The following SPACA7 variants were observed in gnomAD, a reference collection of about 807,000 sequenced individuals.
SPACA7 encodes the protein sperm acrosome associated 7.
A neutral mutation model predicts 26.3 loss-of-function variants in SPACA7; 19 were observed. The observed-to-expected ratio is 0.72, with a 90% CI of 0.50 to 1.06. The LOEUF is 1.06. Among genes scored for constraint, SPACA7 ranks in the 50% least tolerant of loss-of-function variants. The pLI, the probability that SPACA7 is intolerant of heterozygous loss-of-function variation, is 0.00. For missense variants in SPACA7, 211 were observed against 229.9 expected (o/e 0.92, Z 0.53); for synonymous variants, 84 against 84.5 (o/e 0.99, Z 0.04).
chr13:112,382,284 A>T, intron 1 of SPACA7: 1 of 666,310 alleles, frequency 1.5e-6, no homozygotes, highest in Non-Finnish European at 2.4e-6. Context: ...ACAGAGTCTC[A>T]CTCTGTTGCC....
chr13:112,401,585 CA>C (rs915310227), intron 5 of SPACA7, among the ~76,000 whole-genome samples: 1 of 152,030 alleles, frequency 6.6e-6, no homozygotes, highest in Admixed American at 6.5e-5. Context: ...ATTTTTCATG[CA>C]AAAAAAGTCA....
intron 5 of SPACA7, among the ~76,000 whole-genome samples, chr13:112,402,962 T>A (rs867796791): frequency 3.2e-4 from 48 of 152,238 alleles, no homozygotes; most frequent in African/African-American, 1.0e-3. Flanking sequence ...GGGTTTTTTT[T>A]AAACCTATCT....
intron 5 of SPACA7, among the ~76,000 whole-genome samples, chr13:112,403,840 C>T (rs1885801839): frequency 6.6e-6 from 1 of 152,160 alleles, no homozygotes; most frequent in African/African-American, 2.4e-5. Context: ...GGCATTTGGG[C>T]TGATTCCATA....
At chr13:112,397,371 C>T (rs1440216281) in intron 2 of SPACA7, among the ~76,000 whole-genome samples, 4 of 152,202 alleles carry the variant, frequency 2.6e-5, no homozygotes, top group Non-Finnish European at 4.4e-5. Context: ...CGGTGACTCT[C>T]GGTTGCCACA....
At chr13:112,384,393 C>T (rs1265515039) in intron 1 of SPACA7, among the ~76,000 whole-genome samples, 2 of 151,958 alleles carry the variant, frequency 1.3e-5, no homozygotes, top group African/African-American at 4.8e-5. Flanking sequence ...AATTTTGGAA[C>T]ATATATTAAT....
chr13:112,417,905 C>T (rs74660012), intron 5 of SPACA7, among the ~76,000 whole-genome samples: 2,380 of 152,106 alleles, frequency 0.016, 26 homozygotes, highest in Middle Eastern at 0.027. Context: ...TTTTTACTTA[C>T]TGTTATTTTG....
intron 5 of SPACA7, among the ~76,000 whole-genome samples, chr13:112,402,992 A>G (rs1427162912): frequency 6.6e-6 from 1 of 151,916 alleles, no homozygotes; most frequent in Non-Finnish European, 1.5e-5. Context: ...TGAAATACTG[A>G]TGTTACAATA....
chr13:112,425,016 C>T (rs1409783000), intron 5 of SPACA7, among the ~76,000 whole-genome samples: 1 of 152,176 alleles, frequency 6.6e-6, no homozygotes, highest in African/African-American at 2.4e-5. Context: ...CTTATTTGAG[C>T]AGAGGACTGG....
chr13:112,407,266 G>A (rs1414192923), intron 5 of SPACA7, among the ~76,000 whole-genome samples: 1 of 152,144 alleles, frequency 6.6e-6, no homozygotes, highest in African/African-American at 2.4e-5. Context: ...GAGAAAGCAG[G>A]AAATATCTAA....
At chr13:112,434,437 C>T in intron 6 of SPACA7, 48 bp from the exon 7 acceptor site, 1 of 1,515,512 alleles carries the variant, frequency 6.6e-7, no homozygotes, top group Middle Eastern at 1.7e-4. Context: ...GCCTCCATCT[C>T]CCTCATACCA....
intron 2 of SPACA7, among the ~76,000 whole-genome samples, chr13:112,394,602 A>G (rs1885114747): frequency 6.6e-6 from 1 of 152,040 alleles, no homozygotes; most frequent in Admixed American, 6.5e-5. Flanking sequence ...GCTCCAGTGA[A>G]TGAATGGATG....
At chr13:112,377,762 G>C (rs1237353099) in intron 1 of SPACA7, among the ~76,000 whole-genome samples, 2 of 152,236 alleles carry the variant, frequency 1.3e-5, no homozygotes, top group Non-Finnish European at 2.9e-5. Flanking sequence ...GTTCAAGAAA[G>C]AAGAGACATT....
Position 112,399,134 on chromosome 13 carries a change from C to T in SPACA7, c.310C>T (p.Gln104Ter), listed in dbSNP as rs769699635. 24 of 1,607,464 alleles carry T rather than the reference C, an allele frequency of 1.5e-5. No homozygotes were observed. Among genetic ancestry groups the T allele is most frequent in the Non-Finnish European group, 2.6e-6 (3 of 1,174,150 alleles). The change falls in exon 4 of 7, where the codon CAA (glutamine) becomes TAA (stop). Residue 104 changes from glutamine (Q) to a stop codon, truncating the protein, a stop_gained. Transcript: ENST00000283550. LOFTEE classifies it high-confidence loss of function. ...ENYHELLENL[Q>*]FSPGIEVKIS... ...TTACCATGAATTATTAGAGAATTTACAATTCTCTCCTGGCATTGAGGTCAA... is the reference window on the plus strand; with the variant it reads ...TTACCATGAATTATTAGAGAATTTATAATTCTCTCCTGGCATTGAGGTCAA...
chr13:112,412,039 T>C (rs1886386688), intron 5 of SPACA7, among the ~76,000 whole-genome samples: 1 of 152,142 alleles, frequency 6.6e-6, no homozygotes, highest in Non-Finnish European at 1.5e-5. Flanking sequence ...CTGTTTTCCA[T>C]AGTGGCTGAA....
chr13:112,382,180 C>G (rs1884116329), intron 1 of SPACA7: 1 of 414,266 alleles, frequency 2.4e-6, no homozygotes, highest in South Asian at 4.1e-5. Context: ...CTTTCACTGT[C>G]TCAGTCATAA....
chr13:112,432,100 C>G (rs1439689396), intron 5 of SPACA7, among the ~76,000 whole-genome samples: 1 of 152,230 alleles, frequency 6.6e-6, no homozygotes, highest in Non-Finnish European at 1.5e-5. Flanking sequence ...GAGCCCTGCT[C>G]ACCACCAGCA....
chr13:112,380,851 G>T (rs1452706009), intron 1 of SPACA7, among the ~76,000 whole-genome samples: 1 of 152,082 alleles, frequency 6.6e-6, no homozygotes, highest in Non-Finnish European at 1.5e-5. Context: ...TGATTATGTT[G>T]ATTACAATGT....
rs148795567 is a variant in SPACA7, at chr13:112,416,804, T to TTGTGTGTGTGTGTG, written c.446-15624_446-15611dup. Reference sequence around the variant, plus strand: ...AGTCATTTACATATATGATTATGAGTTGTGTGTGTGTGTGTGTGTGTGTGT... The same window carrying TTGTGTGTGTGTGTG: ...AGTCATTTACATATATGATTATGAGTTGTGTGTGTGTGTGTGTGTGTGTGTGTGTGTGTGTGTGT... On this transcript the variant is annotated intron_variant, in intron 5 of 6. Transcript: ENST00000283550. Among the ~76,000 whole-genome samples, 1,086 of 148,016 alleles carry TTGTGTGTGTGTGTG rather than the reference T, an allele frequency of 7.3e-3. 7 individuals are homozygous for TTGTGTGTGTGTGTG. The highest frequency in any genetic ancestry group is 0.014 in the Middle Eastern group (4 of 290).
At chr13:112,408,742 A>C (rs1297212697) in intron 5 of SPACA7, among the ~76,000 whole-genome samples, 2 of 152,238 alleles carry the variant, frequency 1.3e-5, no homozygotes, top group Non-Finnish European at 2.9e-5. Flanking sequence ...AGAGCATTCC[A>C]TGCCCATGGA....
Sources: allele counts gnomAD v4.1 joint callset (sites outside exome capture counted in the v4.1 genomes callset), GRCh38; gene constraint gnomAD v4.1.1; transcripts MANE v1.5; gene names NCBI Gene and HGNC (gene_info 2026-07-23, HGNC 2026-07-21).